Variants in NKAIN2 observed in about 807,000 individuals in gnomAD.
NKAIN2 encodes sodium/potassium-transporting ATPase subunit beta-1-interacting protein 2.
Under a neutral mutation model 32.6 loss-of-function variants are expected in NKAIN2, and 14 were observed. The observed-to-expected ratio is 0.43, with a 90% CI of 0.28 to 0.67. The LOEUF (loss-of-function observed/expected upper bound fraction) is 0.67, where lower values mean the gene tolerates loss of function less well. NKAIN2 is among the 30% of genes least tolerant of loss of function. The probability of loss-of-function intolerance (pLI) is 0.17; values close to 1 mark genes in which losing one functional copy is unlikely to be tolerated. For missense variants in NKAIN2, 198 were observed against 258.3 expected (o/e 0.77, Z 1.60); for synonymous variants, 80 against 87.2 (o/e 0.92, Z 0.46).
At chr6:124,233,068 G>T (rs1174808736) in intron 1 of NKAIN2, among the ~76,000 whole-genome samples, 1 of 152,012 alleles carries the variant, frequency 6.6e-6, no homozygotes, top group Non-Finnish European at 1.5e-5. Flanking sequence ...CTGGGCCTGA[G>T]AAATAATTAT....
At chr6:123,958,631 A>C (rs550074293) in intron 1 of NKAIN2, among the ~76,000 whole-genome samples, 1 of 152,362 alleles carries the variant, frequency 6.6e-6, no homozygotes, top group African/African-American at 2.4e-5. Flanking sequence ...ATTGGTAATT[A>C]AATTTCAACA....
At chr6:124,681,523 T>A (rs1345141233) in intron 4 of NKAIN2, among the ~76,000 whole-genome samples, 1 of 152,192 alleles carries the variant, frequency 6.6e-6, no homozygotes, top group South Asian at 2.1e-4. Flanking sequence ...TGTTACTTAA[T>A]TGCTATTTTC....
intron 1 of NKAIN2, among the ~76,000 whole-genome samples, chr6:123,922,200 T>C (rs1199285103): frequency 1.3e-5 from 2 of 152,204 alleles, no homozygotes; most frequent in African/African-American, 4.8e-5. Flanking sequence ...CTTATTTAAA[T>C]AGTTAAGCAA....
intron 1 of NKAIN2, among the ~76,000 whole-genome samples, chr6:123,840,014 A>G (rs2114932702): frequency 6.6e-6 from 1 of 152,262 alleles, no homozygotes; most frequent in African/African-American, 2.4e-5. Flanking sequence ...TTTGTTTTCC[A>G]CATTTTCAAT....
chr6:123,902,435 G>A (rs554343997), intron 1 of NKAIN2, among the ~76,000 whole-genome samples: 1 of 152,082 alleles, frequency 6.6e-6, no homozygotes, highest in Non-Finnish European at 1.5e-5. Context: ...TGTGATGTTG[G>A]TGGTACAGCT....
intron 1 of NKAIN2, among the ~76,000 whole-genome samples, chr6:124,193,519 G>A (rs1455890942): frequency 1.3e-5 from 2 of 152,170 alleles, no homozygotes; most frequent in East Asian, 3.9e-4. Flanking sequence ...CCCTAAGGAA[G>A]GAGTCAAAGC....
At chr6:124,773,848 G>C (rs371716853) in intron 4 of NKAIN2, among the ~76,000 whole-genome samples, 88 of 152,270 alleles carry the variant, frequency 5.8e-4, no homozygotes, top group African/African-American at 2.0e-3. Context: ...ATTTAAACAA[G>C]ATTTGAAAGA....
rs1321959027 is a variant in NKAIN2, at chr6:124,770,767, GGA to G, written c.475-20570_475-20569del. ...CTTAAAAGACTATTAAGCCTCCAGA[GGA>G]GTGACAGGTACTTTTGCACTAGCCC... On this transcript the variant is annotated intron_variant, in intron 4 of 6. Transcript: ENST00000368417. 6.6e-5 allele frequency among the ~76,000 whole-genome samples: 10 copies of G among 152,192 alleles called. No individual in the cohort carries two copies. In the South Asian group the frequency reaches 2.1e-3, roughly 32 times the overall value.
At chr6:124,175,378 ATAGT>A (rs1240280959) in intron 1 of NKAIN2, among the ~76,000 whole-genome samples, 3 of 152,220 alleles carry the variant, frequency 2.0e-5, no homozygotes, top group East Asian at 1.9e-4. Context: ...CAATATTAAG[ATAGT>A]TAGGATAATA....
At chr6:124,152,164 C>T (rs2114398347) in intron 1 of NKAIN2, among the ~76,000 whole-genome samples, 1 of 151,812 alleles carries the variant, frequency 6.6e-6, no homozygotes, top group African/African-American at 2.4e-5. Flanking sequence ...TTTTGTATTC[C>T]CATACAGATG....
chr6:123,892,890 C>A (rs1050155824), intron 1 of NKAIN2, among the ~76,000 whole-genome samples: 15 of 151,288 alleles, frequency 9.9e-5, no homozygotes, highest in Admixed American at 8.6e-4. Context: ...AATTTCTTGC[C>A]TTGATATTGA....
At chr6:124,617,097 A>C (rs1398441911) in intron 3 of NKAIN2, among the ~76,000 whole-genome samples, 1 of 152,208 alleles carries the variant, frequency 6.6e-6, no homozygotes, top group African/African-American at 2.4e-5. Flanking sequence ...TCTGAATATT[A>C]GTTTTATTAT....
chr6:124,798,091 CTATCTATCTATCT>C (rs1345595094), intron 5 of NKAIN2, among the ~76,000 whole-genome samples: 36 of 145,976 alleles, frequency 2.5e-4, no homozygotes, highest in African/African-American at 8.2e-4. Flanking sequence ...ATCTATCTAT[CTATCTATCTATCT>C]ATCATCTAAC....
chr6:124,228,076 C>T (rs1446242216), intron 1 of NKAIN2, among the ~76,000 whole-genome samples: 1 of 152,122 alleles, frequency 6.6e-6, no homozygotes, highest in Non-Finnish European at 1.5e-5. Flanking sequence ...CATATCTCTT[C>T]TTATAAAGGT....
At chr6:124,763,472 A>T (rs979460489) in intron 4 of NKAIN2, among the ~76,000 whole-genome samples, 3 of 152,160 alleles carry the variant, frequency 2.0e-5, no homozygotes, top group Non-Finnish European at 4.4e-5. Flanking sequence ...ACACACTTTT[A>T]AACAACCACA....
At chr6:124,504,305 C>T (rs928541104) in intron 3 of NKAIN2, among the ~76,000 whole-genome samples, 1 of 152,002 alleles carries the variant, frequency 6.6e-6, no homozygotes, top group Admixed American at 6.6e-5. Context: ...TGTTTTTAAC[C>T]TTATTAAAAT....
intron 1 of NKAIN2, among the ~76,000 whole-genome samples, chr6:124,277,851 G>A (rs536892946): frequency 1.3e-5 from 2 of 151,546 alleles, no homozygotes; most frequent in Admixed American, 6.6e-5. Flanking sequence ...ACATAATTTG[G>A]TTGTTTACAG....
At chr6:124,323,949 G>A (rs1583049296) in intron 2 of NKAIN2, among the ~76,000 whole-genome samples, 2 of 151,384 alleles carry the variant, frequency 1.3e-5, no homozygotes, top group African/African-American at 2.4e-5. Flanking sequence ...CACCACACTC[G>A]GCTAATTTTG....
intron 1 of NKAIN2, among the ~76,000 whole-genome samples, chr6:124,281,316 A>G (rs1012611415): frequency 6.6e-6 from 1 of 152,216 alleles, no homozygotes; most frequent in African/African-American, 2.4e-5. Flanking sequence ...CAGAACAACT[A>G]CTTAGTTTTT....
Sources: allele counts gnomAD v4.1 joint callset (sites outside exome capture counted in the v4.1 genomes callset), GRCh38; gene constraint gnomAD v4.1.1; transcripts MANE v1.5; gene names NCBI Gene and HGNC (gene_info 2026-07-23, HGNC 2026-07-21).